Variants in NCAPG2 observed in about 807,000 individuals in gnomAD.
NCAPG2 encodes the protein condensin-2 complex subunit G2.
In NCAPG2, 53 loss-of-function variants were observed where a neutral mutation model predicts 141.1. The ratio of observed to expected loss-of-function variants is 0.38; its 90% CI spans 0.30 to 0.47. The LOEUF is 0.47. Among genes scored for constraint, NCAPG2 ranks in the 20% least tolerant of loss-of-function variants. The pLI is 0.99. For missense variants in NCAPG2, 1,087 were observed against 1,389.0 expected (o/e 0.78, Z 3.46); for synonymous variants, 499 against 490.7 (o/e 1.02, Z -0.22).
chr7:158,701,970 T>C, intron 1 of NCAPG2, 32 bp from the exon 2 acceptor site: 3 of 1,266,488 alleles, frequency 2.4e-6, no homozygotes, highest in Non-Finnish European at 1.1e-6. Flanking sequence ...CTGAAACACT[T>C]GCAAATATAT....
intron 9 of NCAPG2, among the ~76,000 whole-genome samples, chr7:158,682,883 C>T (rs932820390): frequency 3.9e-5 from 6 of 152,010 alleles, no homozygotes; most frequent in Non-Finnish European, 8.8e-5. Context: ...TCTGAGATTA[C>T]CTTTACAGAA....
intron 24 of NCAPG2, among the ~76,000 whole-genome samples, chr7:158,648,120 G>A (rs1831166468): frequency 6.6e-6 from 1 of 152,114 alleles, no homozygotes; most frequent in African/African-American, 2.4e-5. Flanking sequence ...TAAAGTGATT[G>A]TTGTAAATGC....
intron 27 of NCAPG2, among the ~76,000 whole-genome samples, chr7:158,637,550 CAA>C (rs1232433996): frequency 1.3e-5 from 2 of 152,308 alleles, no homozygotes; most frequent in African/African-American, 4.8e-5. Flanking sequence ...CTGTGGGACT[CAA>C]GAGAGTAGGC....
chr7:158,653,584 T>TA (rs1831664353), intron 22 of NCAPG2, among the ~76,000 whole-genome samples: 1 of 152,172 alleles, frequency 6.6e-6, no homozygotes, highest in African/African-American at 2.4e-5. Flanking sequence ...TGAAGACAGA[T>TA]ACACTGGGGG....
At chr7:158,637,558 T>G (rs1294705153) in intron 27 of NCAPG2, among the ~76,000 whole-genome samples, 12 of 152,242 alleles carry the variant, frequency 7.9e-5, no homozygotes, top group South Asian at 2.1e-4. Flanking sequence ...CTCAAGAGAG[T>G]AGGCTTTCCA....
intron 24 of NCAPG2, 41 bp from the exon 25 acceptor site, chr7:158,646,604 G>C: frequency 7.3e-7 from 1 of 1,362,534 alleles, no homozygotes; most frequent in Non-Finnish European, 1.0e-6. Context: ...ACAGAGACTA[G>C]GCTACTTACT....
chr7:158,648,749 AAATGGACCACAACCACG>A (rs1831238567), intron 24 of NCAPG2, among the ~76,000 whole-genome samples: 1 of 54,936 alleles, frequency 1.8e-5, no homozygotes, highest in Non-Finnish European at 3.9e-5. Context: ...CAACCACGCC[AAATGGACCACAACCACG>A]CCAAATGGAC....
rs1369556138 is a variant in NCAPG2, at chr7:158,701,958, T to C, written c.-39-20A>G. The C allele has an allele frequency of 3.0e-6, 4 of 1,350,934 alleles. No individual in the cohort carries two copies. The highest frequency in any genetic ancestry group is 4.1e-6 in the Non-Finnish European group (4 of 968,920). 83.7% of individuals were successfully genotyped at this position (1,350,934 alleles called of 1,614,324 possible). On this transcript the variant is annotated intron_variant, in intron 1 of 27. Coordinates refer to ENST00000356309, the MANE Select transcript of NCAPG2 (RefSeq NM_017760.7). ...GTAACCCTAATGGAAAACACAATCA[T>C]ACTGAAACACTTGCAAATATATCTT...
At chr7:158,697,603 AAG>A (rs1278514989) in intron 2 of NCAPG2, among the ~76,000 whole-genome samples, 1 of 152,132 alleles carries the variant, frequency 6.6e-6, no homozygotes, top group Non-Finnish European at 1.5e-5. Context: ...TCCAACTGAA[AAG>A]AAAAAAAAAA....
chr7:158,671,423 T>C, intron 13 of NCAPG2, 91 bp downstream of exon 13: 1 of 1,480,892 alleles, frequency 6.8e-7, no homozygotes, highest in Non-Finnish European at 9.4e-7. Flanking sequence ...AGTTATCAGT[T>C]TAAAATGTGG....
At chr7:158,639,398 G>A (rs912765882) in intron 27 of NCAPG2, among the ~76,000 whole-genome samples, 4 of 152,132 alleles carry the variant, frequency 2.6e-5, no homozygotes, top group Non-Finnish European at 4.4e-5. Context: ...GTAAGCCACC[G>A]CACCTGGCTT....
chr7:158,649,522 ATTTTTTTTATCAT>A (rs754596164), intron 24 of NCAPG2, among the ~76,000 whole-genome samples: 7 of 151,866 alleles, frequency 4.6e-5, no homozygotes, highest in Non-Finnish European at 7.4e-5. Context: ...CAGGTCAAAC[ATTTTTTTTATCAT>A]TTTTAGCTAC....
chr7:158,635,840 T>A (rs1170687275), intron 27 of NCAPG2, among the ~76,000 whole-genome samples: 5 of 152,238 alleles, frequency 3.3e-5, no homozygotes, highest in African/African-American at 1.2e-4. Context: ...GGTTCCCAGA[T>A]TCTTAAAGAT....
At chr7:158,683,492 A>G (rs759506848) in intron 8 of NCAPG2, 106 bp from the exon 9 acceptor site, 14 of 624,366 alleles carry the variant, frequency 2.2e-5, no homozygotes, top group East Asian at 3.1e-5. Context: ...TGTCCATCTT[A>G]TATTTCATGA....
intron 3 of NCAPG2, 38 bp downstream of exon 3, chr7:158,693,271 G>T: frequency 3.2e-6 from 5 of 1,570,134 alleles, no homozygotes; most frequent in Non-Finnish European, 4.3e-6. Flanking sequence ...ACAAAAAAAA[G>T]AGAAAAACGT....
At chr7:158,701,465 A>C (rs561390725) in intron 2 of NCAPG2, among the ~76,000 whole-genome samples, 1 of 152,296 alleles carries the variant, frequency 6.6e-6, no homozygotes, top group African/African-American at 2.4e-5. Flanking sequence ...TGAATTCCTT[A>C]AAATGGTAAA....
In NCAPG2 at chr7:158,671,550, G is replaced by T. The variant is rs1833682597; in HGVS notation, c.1443C>A (p.Asp481Glu). ...NSEKVRVAFVDMLLKIKAVRA... is the reference protein window; with the variant it reads ...NSEKVRVAFVEMLLKIKAVRA... Reference sequence around the variant, plus strand: ...TCACAGCTTTGATCTTCAACAGCATGTCCACAAAAGCTACCCTCACTTTCT... The same window carrying T: ...TCACAGCTTTGATCTTCAACAGCATTTCCACAAAAGCTACCCTCACTTTCT... Residue 481 changes from aspartate (D) to glutamate (E), a missense_variant, in exon 13 of 28, where the codon GAC becomes GAA. Coordinates refer to ENST00000356309, the MANE Select transcript of NCAPG2 (RefSeq NM_017760.7). 1 of 1,614,174 alleles carries T rather than the reference G, an allele frequency of 6.2e-7. No individual in the cohort carries two copies. The highest frequency in any genetic ancestry group is 1.3e-5 in the African/African-American group (1 of 75,044).
chr7:158,637,151 G>T (rs975122383), intron 27 of NCAPG2, among the ~76,000 whole-genome samples: 1 of 152,064 alleles, frequency 6.6e-6, no homozygotes, highest in Non-Finnish European at 1.5e-5. Context: ...GTTTCACCGT[G>T]TTAGCCAGGA....
chr7:158,699,697 C>T (rs1199181140), intron 2 of NCAPG2, among the ~76,000 whole-genome samples: 2 of 152,200 alleles, frequency 1.3e-5, no homozygotes, highest in African/African-American at 4.8e-5. Flanking sequence ...CTTCCTCTTA[C>T]ACACAGAGGG....
Sources: allele counts gnomAD v4.1 joint callset (sites outside exome capture counted in the v4.1 genomes callset), GRCh38; gene constraint gnomAD v4.1.1; transcripts MANE v1.5; gene names NCBI Gene and HGNC (gene_info 2026-07-23, HGNC 2026-07-21).